PCDHGB2: variants seen among roughly 807,000 people sequenced by gnomAD.
PCDHGB2 encodes protocadherin gamma subfamily B, 2.
Under a neutral mutation model 59.3 loss-of-function variants are expected in PCDHGB2, and 55 were observed. The ratio of observed to expected loss-of-function variants is 0.93; its 90% CI spans 0.75 to 1.16. The LOEUF is 1.16. PCDHGB2 is among the 50% of genes most tolerant of loss of function. The pLI is 0.00. For missense variants in PCDHGB2, 1,228 were observed against 1,198.5 expected (o/e 1.02, Z -0.36); for synonymous variants, 516 against 512.0 (o/e 1.01, Z -0.11).
Position 141,432,010 on chromosome 5 carries a change from CT to C in PCDHGB2, c.2422-62796del. The C allele has an allele frequency of 6.2e-7, 1 of 1,614,068 alleles. No individual in the cohort carries two copies. Among genetic ancestry groups the C allele is most frequent in the Non-Finnish European group, 8.5e-7 (1 of 1,180,022 alleles). ...TCTTGGATAGGGAACAGGTTCCTAG[CT>C]ACAACATCACAGTGACCGCCACTGA... On this transcript the variant is annotated intron_variant, in intron 1 of 3. Coordinates refer to ENST00000522605, the MANE Select transcript of PCDHGB2 (RefSeq NM_018923.3). This position sits in a 1 kb window ranked among gnomAD's most constrained non-coding sequence, Gnocchi z 6.0.
At position 141,476,752 on chromosome 5, in the gene PCDHGB2, A is replaced by C. The variant is rs771355583; in HGVS notation, c.2422-18055A>C. The C allele has an allele frequency of 6.2e-7, 1 of 1,613,926 alleles. No homozygotes were observed. The highest frequency in any genetic ancestry group is 1.1e-5 in the South Asian group (1 of 91,080). Reference sequence around the variant, plus strand: ...GAGAACGGGAGCCTAGTCTCCAGTTAGTGCTGACGGCGTTGGACGGAGGGA... The same window carrying C: ...GAGAACGGGAGCCTAGTCTCCAGTTCGTGCTGACGGCGTTGGACGGAGGGA... On this transcript the variant is annotated intron_variant, in intron 1 of 3. Transcript: ENST00000522605. The surrounding 1 kb of genome is among the most constrained non-coding windows in gnomAD (Gnocchi z 7.6).
chr5:141,366,064 G>C (rs761173450), intron 1 of PCDHGB2: 2 of 1,614,106 alleles, frequency 1.2e-6, no homozygotes, highest in Non-Finnish European at 1.7e-6. Flanking sequence ...TGGAGCTGGC[G>C]CCTCGCTCCG....
intron 2 of PCDHGB2, among the ~76,000 whole-genome samples, chr5:141,498,604 C>G (rs1445417630): frequency 6.6e-6 from 1 of 152,122 alleles, no homozygotes; most frequent in East Asian, 1.9e-4. Flanking sequence ...GGTTCAAGTT[C>G]AAGTCAGCAC....
intron 1 of PCDHGB2, chr5:141,411,305 C>T (rs1317785609): frequency 6.6e-6 from 1 of 152,176 alleles, no homozygotes; most frequent in Non-Finnish European, 1.5e-5. Context: ...CCCAGTGGCT[C>T]ACACCTATAA....
chr5:141,444,184 T>TG, intron 1 of PCDHGB2, among the ~76,000 whole-genome samples: 1 of 138,886 alleles, frequency 7.2e-6, no homozygotes, highest in South Asian at 2.4e-4. Flanking sequence ...TTTTTTTTTT[T>TG]TTTTGAGATG....
chr5:141,431,642 G>A lies in PCDHGB2; in HGVS notation c.2422-63165G>A, dbSNP rs762914489. The A allele has an allele frequency of 6.2e-7, 1 of 1,614,272 alleles. No homozygotes were observed. The highest frequency in any genetic ancestry group is 1.1e-5 in the South Asian group (1 of 91,090). On this transcript the variant is annotated intron_variant, in intron 1 of 3. Transcript: ENST00000522605. This position sits in a 1 kb window ranked among gnomAD's most constrained non-coding sequence, Gnocchi z 4.8. ...CAAGGCGGCCCAAGTTTTCAAACTA[G>A]ATTGTAATTCAGGGACAATATCAAC... is the stretch of plus-strand genomic sequence containing the variant.
chr5:141,385,635 C>G (rs148433768), intron 1 of PCDHGB2: 13 of 870,194 alleles, frequency 1.5e-5, no homozygotes, highest in African/African-American at 1.8e-5. Context: ...TGAATCGAGT[C>G]TTTCATATTG....
intron 1 of PCDHGB2, among the ~76,000 whole-genome samples, chr5:141,458,380 G>T (rs1592559992): frequency 6.6e-6 from 1 of 152,136 alleles, no homozygotes; most frequent in African/African-American, 2.4e-5. Flanking sequence ...AAGAGAGAAG[G>T]AAGACGCTCC....
chr5:141,413,739 C>A (rs748041372), intron 1 of PCDHGB2: 1 of 1,613,424 alleles, frequency 6.2e-7, no homozygotes, highest in South Asian at 1.1e-5. Context: ...GAGTTCAGAG[C>A]CGTGCCAATG....
rs766779419 is a variant in PCDHGB2, at chr5:141,389,386, C to G, written c.2421+26830C>G. On this transcript the variant is annotated intron_variant, in intron 1 of 3. Transcript: ENST00000522605. ...GACCTGGAGCAGCGGGAGCTGTCAT[C>G]CTACGTGTCCATAAGCGCGGAGAGC... The G allele has an allele frequency of 1.1e-5, 17 of 1,613,620 alleles. No homozygotes were observed. The highest frequency in any genetic ancestry group is 6.7e-5 in the African/African-American group (5 of 74,960).
At position 141,477,167 on chromosome 5, in the gene PCDHGB2, G is replaced by A; in HGVS notation, c.2422-17640G>A. On this transcript the variant is annotated intron_variant, in intron 1 of 3. Coordinates refer to ENST00000522605, the MANE Select transcript of PCDHGB2 (RefSeq NM_018923.3). This position sits in a 1 kb window ranked among gnomAD's most constrained non-coding sequence, Gnocchi z 4.9. ...TGTGGATGTGAATGACAACGCCCCGGAGATCACAGTCACCTCCGTGTACAG... is the reference window on the plus strand; with the variant it reads ...TGTGGATGTGAATGACAACGCCCCGAAGATCACAGTCACCTCCGTGTACAG... 6.2e-7 allele frequency: 1 copy of A among 1,614,166 alleles called. No homozygotes were observed. Among genetic ancestry groups the A allele is most frequent in the South Asian group, 1.1e-5 (1 of 91,076 alleles).
rs144585584 is a variant in PCDHGB2 at position 141,478,339 on chromosome 5, C to T, written c.2422-16468C>T. 998 of 1,613,918 alleles carry T rather than the reference C, an allele frequency of 6.2e-4. 16 individuals carry two copies. In the East Asian group the frequency reaches 0.019, roughly 31 times the overall value. Reference sequence around the variant, plus strand: ...CACTGTACCGAACACCAGGGCCCTCCTTGCACGCGGACGCCGTGCGGGGAG... The same window carrying T: ...CACTGTACCGAACACCAGGGCCCTCTTTGCACGCGGACGCCGTGCGGGGAG... On this transcript the variant is annotated intron_variant, in intron 1 of 3. Transcript: ENST00000522605.
rs141958687 is a variant in PCDHGB2 at position 141,509,744 on chromosome 5, G to A, written c.2570-1203G>A. 3.3e-3 allele frequency among the ~76,000 whole-genome samples: 509 copies of A among 152,266 alleles called. 3 individuals are homozygous for A. The highest frequency in any genetic ancestry group is 5.5e-3 in the Non-Finnish European group (372 of 68,024). On this transcript the variant is annotated intron_variant, in intron 3 of 3. Coordinates refer to ENST00000522605, the MANE Select transcript of PCDHGB2 (RefSeq NM_018923.3). ...CACCTAGCTGTGGCACTCTGAGCCT[G>A]TGCCTAAAGTGTCCCTGAGATGTCT...
intron 2 of PCDHGB2, among the ~76,000 whole-genome samples, chr5:141,504,128 G>A (rs914138294): frequency 2.6e-5 from 4 of 151,992 alleles, no homozygotes; most frequent in African/African-American, 9.7e-5. Context: ...GCTGTTTCCC[G>A]CCAACACTCC....
chr5:141,509,830 T>A (rs1328716142), intron 3 of PCDHGB2, among the ~76,000 whole-genome samples: 1 of 152,204 alleles, frequency 6.6e-6, no homozygotes, highest in African/African-American at 2.4e-5. Flanking sequence ...ATCTTCTCTC[T>A]ACCTCCCATT....
intron 1 of PCDHGB2, chr5:141,371,270 C>A: frequency 6.2e-7 from 1 of 1,614,012 alleles, no homozygotes. Context: ...GACAACTGTT[C>A]AAGCTGGACA....
chr5:141,390,477 C>T (rs2150421205), intron 1 of PCDHGB2: 3 of 678,620 alleles, frequency 4.4e-6, no homozygotes, highest in South Asian at 2.0e-5. Flanking sequence ...TGTGGCCCAA[C>T]ATTTGTTTGT....
In PCDHGB2 at chr5:141,485,269, C is replaced by T. The variant is rs760197007; in HGVS notation, c.2422-9538C>T. The T allele has an allele frequency of 6.2e-7, 1 of 1,614,090 alleles. No homozygotes were observed. Among genetic ancestry groups the T allele is most frequent in the Admixed American group, 1.7e-5 (1 of 60,028 alleles). On this transcript the variant is annotated intron_variant, in intron 1 of 3. Transcript: ENST00000522605. The surrounding 1 kb of genome is among the most constrained non-coding windows in gnomAD (Gnocchi z 5.7). ...TGGGTTACGTTTGTGGGCAGATCCG[C>T]TACCCGGTCCCAGAGGAGTCACAGG... is the stretch of plus-strand genomic sequence containing the variant.
intron 1 of PCDHGB2, chr5:141,423,031 A>G (rs761268652): frequency 1.2e-6 from 2 of 1,614,096 alleles, no homozygotes; most frequent in East Asian, 2.2e-5. Flanking sequence ...TTCAGGCCAG[A>G]ACGCCTGGCT....
Sources: allele counts gnomAD v4.1 joint callset (sites outside exome capture counted in the v4.1 genomes callset), GRCh38; gene constraint gnomAD v4.1.1; non-coding constraint Gnocchi (gnomAD v3.1); transcripts MANE v1.5; gene names NCBI Gene and HGNC (gene_info 2026-07-23, HGNC 2026-07-21).